ARHGAP39: variants seen among roughly 807,000 people sequenced by gnomAD.
The protein encoded by ARHGAP39 is Rho GTPase activating protein 39.
Under a neutral mutation model 106.9 loss-of-function variants are expected in ARHGAP39, and 44 were observed. The ratio of observed to expected loss-of-function variants is 0.41; its 90% CI spans 0.32 to 0.53. The LOEUF is 0.53. Ranked by LOEUF, ARHGAP39 falls within the 20% of genes least tolerant of loss-of-function variation. The pLI is 0.21. For missense variants in ARHGAP39, 1,496 were observed against 1,577.3 expected (o/e 0.95, Z 0.87); for synonymous variants, 768 against 693.2 (o/e 1.11, Z -1.69).
At chr8:144,557,891 C>A (rs749270443) in intron 3 of ARHGAP39, among the ~76,000 whole-genome samples, 1 of 151,926 alleles carries the variant, frequency 6.6e-6, no homozygotes, top group Admixed American at 6.6e-5. Context: ...TGCAACTGGA[C>A]AAGAAAAAAA....
chr8:144,532,491 C>T (rs775556558), intron 9 of ARHGAP39, 95 bp from the exon 10 acceptor site: 49 of 1,186,124 alleles, frequency 4.1e-5, no homozygotes, highest in East Asian at 7.7e-5. Context: ...CCTGCTGACC[C>T]GGGGAGGGGA....
intron 3 of ARHGAP39, among the ~76,000 whole-genome samples, chr8:144,566,573 T>C (rs983454113): frequency 1.3e-5 from 2 of 151,818 alleles, no homozygotes; most frequent in African/African-American, 4.8e-5. Flanking sequence ...AGAATGAAAT[T>C]GGCTGGGTAT....
At chr8:144,685,590 C>T (rs1822567930) in intron 1 of ARHGAP39, among the ~76,000 whole-genome samples, 96 bp downstream of exon 1, 1 of 149,022 alleles carries the variant, frequency 6.7e-6, no homozygotes, top group Admixed American at 6.7e-5. Context: ...CTGGAGCCTC[C>T]GCCGAGGCTG....
chr8:144,554,948 AC>A (rs936199993), intron 4 of ARHGAP39, among the ~76,000 whole-genome samples: 1 of 151,928 alleles, frequency 6.6e-6, no homozygotes, highest in Non-Finnish European at 1.5e-5. Flanking sequence ...GCGGACACCC[AC>A]CCCCCTACAG....
At chr8:144,686,944 C>CG (rs1563738926), upstream of ARHGAP39, among the ~76,000 whole-genome samples, 5 of 44,398 alleles carry the variant, frequency 1.1e-4, no homozygotes, top group East Asian at 7.0e-4. Flanking sequence ...TTTCCCACCC[C>CG]TGTGACCACG....
At chr8:144,600,676 C>T (rs1254133147) in intron 2 of ARHGAP39, among the ~76,000 whole-genome samples, 2 of 147,422 alleles carry the variant, frequency 1.4e-5, no homozygotes, top group African/African-American at 2.5e-5. Flanking sequence ...ACTTGTGTAC[C>T]TGCGTGTGCG....
chr8:144,621,455 G>C (rs1820804734), intron 1 of ARHGAP39, among the ~76,000 whole-genome samples: 1 of 152,214 alleles, frequency 6.6e-6, no homozygotes, highest in South Asian at 2.1e-4. Context: ...CGGAGTCAAG[G>C]TGCCACCCAG....
chr8:144,578,685 CA>C (rs900433752), intron 3 of ARHGAP39, among the ~76,000 whole-genome samples: 1 of 151,412 alleles, frequency 6.6e-6, no homozygotes, highest in Non-Finnish European at 1.5e-5. Flanking sequence ...CCAATCTCTA[CA>C]AAAAAAATAC....
rs1203616436 is a variant in ARHGAP39 at position 144,545,334 on chromosome 8, C to T, written c.2436G>A (p.Leu812=). The T allele has an allele frequency of 1.3e-6, 2 of 1,598,662 alleles. No individual in the cohort carries two copies. The highest frequency in any genetic ancestry group is 2.7e-5 in the African/African-American group (2 of 74,552). The change falls in exon 6 of 12, where the codon CTG becomes CTA. Residue 812 remains leucine, a synonymous_variant. Transcript: ENST00000377307. ...ACTTGGGGGTGGGCGGGAAAAAGGC[C>T]AGGCAGATGGCCATGAGCTCCCAGC... The part of the protein sequence containing the change: ...ARGWELMAIC[L]AFFPPTPKFH...
At chr8:144,542,078 G>A (rs2721164) in intron 6 of ARHGAP39, among the ~76,000 whole-genome samples, 7,604 of 152,118 alleles carry the variant, frequency 0.05, 619 homozygotes, top group African/African-American at 0.17. Flanking sequence ...GCTGGAAGCC[G>A]GGAGACCTTG....
chr8:144,623,613 G>A lies in ARHGAP39; in HGVS notation c.-81-17918C>T, dbSNP rs192803290. Among the ~76,000 whole-genome samples the A allele has an allele frequency of 3.3e-5, 5 of 152,332 alleles. No individual in the cohort carries two copies. In the East Asian group the frequency reaches 7.7e-4, roughly 23 times the overall value. On this transcript the variant is annotated intron_variant, in intron 1 of 11. Transcript: ENST00000377307. ...AGACGTGTTCCAGGAGGCACCCGAC[G>A]TCTGCAGCGACAGAGGAGATGGTAC...
intron 1 of ARHGAP39, among the ~76,000 whole-genome samples, chr8:144,662,677 T>G (rs554946852): frequency 7.1e-6 from 1 of 140,036 alleles, no homozygotes; most frequent in South Asian, 2.5e-4. Context: ...ATTATCCGCT[T>G]TGGACTGCTC....
chr8:144,560,400 A>G (rs140551919), intron 3 of ARHGAP39, among the ~76,000 whole-genome samples: 2,675 of 152,312 alleles, frequency 0.018, 67 homozygotes, highest in African/African-American at 0.062. Flanking sequence ...TTGCCATTGC[A>G]CTCCAGCCTG....
intron 2 of ARHGAP39, among the ~76,000 whole-genome samples, chr8:144,597,586 G>C (rs1029107642): frequency 6.6e-6 from 1 of 152,212 alleles, no homozygotes; most frequent in South Asian, 2.1e-4. Flanking sequence ...CAGGGGGCGG[G>C]GGGAACCCAG....
At chr8:144,537,941 G>T in intron 6 of ARHGAP39, 128 bp from the exon 7 acceptor site, 1 of 783,440 alleles carries the variant, frequency 1.3e-6, no homozygotes, top group East Asian at 2.5e-5. Flanking sequence ...GCAGCTGGGG[G>T]CTGAGCGTTT....
At chr8:144,664,609 C>A (rs559189041) in intron 1 of ARHGAP39, among the ~76,000 whole-genome samples, 1 of 152,164 alleles carries the variant, frequency 6.6e-6, no homozygotes, top group Admixed American at 6.5e-5. Context: ...GGGAGGGACC[C>A]AGGAGGAGGT....
intron 1 of ARHGAP39, 184 bp from the exon 2 acceptor site, chr8:144,605,879 C>A (rs540909683): frequency 5.9e-6 from 3 of 512,142 alleles, no homozygotes; most frequent in African/African-American, 3.9e-5. Context: ...TGCGTTGCAG[C>A]GAAGCCTGGC....
intron 1 of ARHGAP39, among the ~76,000 whole-genome samples, chr8:144,675,847 T>G (rs1822221139): frequency 6.6e-6 from 1 of 151,704 alleles, no homozygotes; most frequent in Non-Finnish European, 1.5e-5. Flanking sequence ...CATCTGGAGT[T>G]GTTCGTTCCC....
At position 144,647,736 on chromosome 8, in the gene ARHGAP39, G is replaced by A. The variant is rs144758803; in HGVS notation, c.-82+37950C>T. Among the ~76,000 whole-genome samples, 8 of 152,384 alleles carry A rather than the reference G, an allele frequency of 5.2e-5. No homozygotes were observed. In the East Asian group the frequency reaches 1.2e-3, roughly 22 times the overall value. On this transcript the variant is annotated intron_variant, in intron 1 of 11. Coordinates refer to ENST00000377307, the MANE Select transcript of ARHGAP39 (RefSeq NM_025251.3). This position sits in a 1 kb window ranked among gnomAD's most constrained non-coding sequence, Gnocchi z 4.8. The stretch of plus-strand genomic sequence containing the variant: ...ATGCAGAATGCAGAGAAAGCAAGAC[G>A]CCGTGCCAGGGGAGGGCAGCTGGAA...
Sources: gnomAD v4.1 joint callset for allele counts (sites outside exome capture counted in the v4.1 genomes callset) on GRCh38, gnomAD v4.1.1 for gene constraint, Gnocchi (gnomAD v3.1) non-coding constraint, MANE v1.5 for transcripts, NCBI Gene and HGNC (gene_info 2026-07-23, HGNC 2026-07-21) for gene names.